The following KAT14 variants were observed in gnomAD, a reference collection of about 807,000 sequenced individuals.
KAT14 encodes the protein cysteine-rich protein 2-binding protein.
KAT14 carries 66 observed loss-of-function variants against 78.4 expected under a neutral mutation model. The observed-to-expected ratio is 0.84, with a 90% CI of 0.69 to 1.03. The LOEUF is 1.03. Ranked by LOEUF, KAT14 falls within the 50% of genes least tolerant of loss-of-function variation. The pLI, the probability that KAT14 is intolerant of heterozygous loss-of-function variation, is 0.00. For synonymous variants in KAT14, 344 were observed against 359.4 expected (o/e 0.96, Z 0.48); for missense variants, 870 against 972.5 (o/e 0.89, Z 1.40).
At chr20:18,172,491 TC>T (rs1235654878) in intron 7 of KAT14, among the ~76,000 whole-genome samples, 2 of 151,992 alleles carry the variant, frequency 1.3e-5, no homozygotes, top group African/African-American at 2.4e-5. Context: ...TCAGTTGACT[TC>T]CTGGGCTCAT....
intron 2 of KAT14, 89 bp from the exon 3 acceptor site, chr20:18,145,144 A>G: frequency 2.0e-6 from 3 of 1,491,814 alleles, no homozygotes; most frequent in Non-Finnish European, 1.8e-6. Context: ...CAACATGGGA[A>G]AGGAAAATCT....
At chr20:18,185,293 T>C (rs2039416853) in intron 10 of KAT14, among the ~76,000 whole-genome samples, 2 of 152,200 alleles carry the variant, frequency 1.3e-5, no homozygotes, top group Non-Finnish European at 2.9e-5. Context: ...CACTGCAGCC[T>C]CAACCTCCTG....
At chr20:18,172,428 T>C (rs968333137) in intron 7 of KAT14, among the ~76,000 whole-genome samples, 5 of 145,968 alleles carry the variant, frequency 3.4e-5, no homozygotes, top group Non-Finnish European at 7.6e-5. Context: ...AGACAGTGTC[T>C]CGCTGTCACC....
intron 4 of KAT14, among the ~76,000 whole-genome samples, chr20:18,152,379 C>T (rs1452006592): frequency 6.6e-6 from 1 of 152,142 alleles, no homozygotes; most frequent in Non-Finnish European, 1.5e-5. Flanking sequence ...GAGTTCGAGA[C>T]CAGCCTGGCC....
At chr20:18,177,803 G>A (rs116062280) in intron 7 of KAT14, among the ~76,000 whole-genome samples, 157 of 152,212 alleles carry the variant, frequency 1.0e-3, no homozygotes, top group African/African-American at 3.7e-3. Context: ...AGCCCTAATT[G>A]TACATGTTCT....
intron 4 of KAT14, among the ~76,000 whole-genome samples, chr20:18,153,432 C>T (rs1044491218): frequency 1.3e-5 from 2 of 152,100 alleles, no homozygotes; most frequent in African/African-American, 2.4e-5. Context: ...TAATGTACCC[C>T]ATTTATAAGG....
chr20:18,162,134 G>T lies in KAT14; in HGVS notation c.994G>T (p.Asp332Tyr). The T allele has an allele frequency of 6.2e-7, 1 of 1,614,186 alleles. No individual in the cohort carries two copies. Among genetic ancestry groups the T allele is most frequent in the Non-Finnish European group, 8.5e-7 (1 of 1,180,036 alleles). Residue 332 changes from aspartate (D) to tyrosine (Y), a missense_variant, in exon 6 of 11, where the codon GAT becomes TAT. Transcript: ENST00000688188. ...AAGCCCATCTCCTTCTCCTTCTCTG[G>T]ATTTCTCTGCCCCTGGTACACCTGC... Reference protein sequence around the residue: ...LTSPSPSPSLDFSAPGTPASH... With the variant: ...LTSPSPSPSLYFSAPGTPASH...
At position 18,142,478 on chromosome 20, in the gene KAT14, T is replaced by G; in HGVS notation, c.-183T>G. On this transcript the variant is annotated 5_prime_UTR_variant, in exon 2 of 11. An upstream open reading frame in the 5' UTR loses its in-frame stop. Transcript: ENST00000688188. ...CACTGTCCTTTTAAACTTGATCAAATAAAGGACAGTGGGTCATATAAGTTA... is the reference window on the plus strand; with the variant it reads ...CACTGTCCTTTTAAACTTGATCAAAGAAAGGACAGTGGGTCATATAAGTTA... 1 of 1,457,426 alleles carries G rather than the reference T, an allele frequency of 6.9e-7. No homozygotes were observed. The highest frequency in any genetic ancestry group is 9.0e-7 in the Non-Finnish European group (1 of 1,110,206). 90.3% of individuals were successfully genotyped at this position (1,457,426 alleles called of 1,614,324 possible). A position where few individuals can be genotyped will look rare whatever the true frequency, so the allele number is the denominator to read the frequency against.
Position 18,159,192 on chromosome 20 carries a change from A to G in KAT14, c.609A>G (p.Lys203=), listed in dbSNP as rs746793530. 6.2e-7 allele frequency: 1 copy of G among 1,614,132 alleles called. No homozygotes were observed. Among genetic ancestry groups the G allele is most frequent in the Admixed American group, 1.7e-5 (1 of 60,008 alleles). Reference sequence around the variant, plus strand: ...AATTTGGAGAGCCAGGATGGTGGAAACTTGTTCATAACAAGCCCCCAACGA... The same window carrying G: ...AATTTGGAGAGCCAGGATGGTGGAAGCTTGTTCATAACAAGCCCCCAACGA... ...AQEFGEPGWW[K]LVHNKPPTMK... Residue 203 remains lysine (K), a synonymous_variant, in exon 5 of 11, where the codon AAA becomes AAG. Coordinates refer to ENST00000688188, the MANE Select transcript of KAT14 (RefSeq NM_001392073.1).
At chr20:18,155,039 C>G (rs1044342995) in intron 4 of KAT14, among the ~76,000 whole-genome samples, 1 of 152,168 alleles carries the variant, frequency 6.6e-6, no homozygotes, top group Non-Finnish European at 1.5e-5. Flanking sequence ...CACACCCCAC[C>G]ATGCACGACT....
At chr20:18,156,777 C>G (rs754296623) in intron 4 of KAT14, among the ~76,000 whole-genome samples, 10 of 152,194 alleles carry the variant, frequency 6.6e-5, no homozygotes, top group Non-Finnish European at 1.3e-4. Context: ...ACGTCTGTCT[C>G]TGTGTCCAAG....
chr20:18,141,038 T>TTTTTTTTTTTTTTTG (rs2037541069), intron 1 of KAT14, among the ~76,000 whole-genome samples: 1 of 31,580 alleles, frequency 3.2e-5, no homozygotes, highest in African/African-American at 7.6e-5. Flanking sequence ...TTTTTTTTTT[T>TTTTTTTTTTTTTTTG]TTTTTTTTAT....
chr20:18,142,271 CT>C lies in KAT14; in HGVS notation c.-386del, dbSNP rs1033069660. 2 of 1,537,004 alleles carry C rather than the reference CT, an allele frequency of 1.3e-6. No individual in the cohort carries two copies. The highest frequency in any genetic ancestry group is 1.4e-5 in the African/African-American group (1 of 73,028). ...AATTCGGAAAAAAGAAAACATTCGT[CT>C]TTTGGGAGAACAGATTATTTTGACT... On this transcript the variant is annotated 5_prime_UTR_variant, in exon 2 of 11. It introduces an in-frame stop codon into an upstream open reading frame of the 5' UTR. Transcript: ENST00000688188.
At chr20:18,164,783 AT>A (rs1218844081) in intron 7 of KAT14, among the ~76,000 whole-genome samples, 9 of 149,458 alleles carry the variant, frequency 6.0e-5, no homozygotes, top group South Asian at 2.1e-4. Flanking sequence ...CACTCAGCTA[AT>A]TTTTTTTTTA....
chr20:18,170,611 T>G (rs915243304), intron 7 of KAT14, among the ~76,000 whole-genome samples: 2 of 152,226 alleles, frequency 1.3e-5, no homozygotes, highest in Non-Finnish European at 2.9e-5. Flanking sequence ...CTCGGCTCAC[T>G]GCAAGCTCCA....
chr20:18,175,634 GA>G (rs1368724373), intron 7 of KAT14, among the ~76,000 whole-genome samples: 4 of 152,110 alleles, frequency 2.6e-5, no homozygotes, highest in Admixed American at 1.3e-4. Context: ...GAAGTATAAA[GA>G]AACTCATTTA....
chr20:18,142,639 C>T lies in KAT14; in HGVS notation c.-22C>T. The stretch of plus-strand genomic sequence containing the variant: ...TTAGGGTTGTTACTGAGAAGCACTG[C>T]CGAGCTTGTGAGAAGGAAGGGATGG... On this transcript the variant is annotated 5_prime_UTR_variant, in exon 2 of 11. Coordinates refer to ENST00000688188, the MANE Select transcript of KAT14 (RefSeq NM_001392073.1). 1 of 1,613,302 alleles carries T rather than the reference C, an allele frequency of 6.2e-7. No individual in the cohort carries two copies. Among genetic ancestry groups the T allele is most frequent in the South Asian group, 1.1e-5 (1 of 91,014 alleles).
rs2038330694 is a variant in KAT14, at chr20:18,159,237, G to A, written c.654G>A (p.Lys218=). 18 of 1,614,016 alleles carry A rather than the reference G, an allele frequency of 1.1e-5. No individual in the cohort carries two copies. In the East Asian group the frequency reaches 4.0e-4, roughly 36 times the overall value. The change falls in exon 5 of 11, where the codon AAG becomes AAA. Residue 218 remains lysine, a synonymous_variant. Transcript: ENST00000688188. ...KPPTMKPEGE[K]LSASTLKIKA... ...CAACGATGAAACCTGAAGGAGAGAA[G>A]TTGTCTGCCTCTACTTTGAAAATAA...
At chr20:18,139,779 A>G (rs1207218624) in intron 1 of KAT14, among the ~76,000 whole-genome samples, 1 of 152,080 alleles carries the variant, frequency 6.6e-6, no homozygotes, top group African/African-American at 2.4e-5. Context: ...GATGTGTCGG[A>G]AGGTTCAAGG....
Sources: allele counts gnomAD v4.1 joint callset (sites outside exome capture counted in the v4.1 genomes callset), GRCh38; gene constraint gnomAD v4.1.1; transcripts MANE v1.5; gene names NCBI Gene and HGNC (gene_info 2026-07-23, HGNC 2026-07-21).